CNNM2: variants seen among roughly 807,000 people sequenced by gnomAD.
CNNM2 encodes the protein cyclin and CBS domain divalent metal cation transport mediator 2.
A neutral mutation model predicts 66.9 loss-of-function variants in CNNM2; 12 were observed. The ratio of observed to expected loss-of-function variants is 0.18; its 90% CI spans 0.11 to 0.29. The LOEUF (loss-of-function observed/expected upper bound fraction) is 0.29, where lower values mean the gene tolerates loss of function less well. CNNM2 is among the 10% of genes least tolerant of loss of function. CNNM2 has a pLI of 1.00. For missense variants in CNNM2, 705 were observed against 1,167.7 expected (o/e 0.60, Z 5.77); for synonymous variants, 557 against 501.8 (o/e 1.11, Z -1.47).
At chr10:102,930,782 T>C (rs1433996428) in intron 1 of CNNM2, among the ~76,000 whole-genome samples, 1 of 152,244 alleles carries the variant, frequency 6.6e-6, no homozygotes, top group Non-Finnish European at 1.5e-5. Context: ...ACATTTCATA[T>C]AACATGTAAA....
At chr10:102,977,049 T>G (rs899837052) in intron 1 of CNNM2, among the ~76,000 whole-genome samples, 1 of 152,106 alleles carries the variant, frequency 6.6e-6, no homozygotes, top group African/African-American at 2.4e-5. Context: ...GCTCACAGTA[T>G]TATTCTTCCC....
At chr10:102,974,709 AT>A (rs1029298802) in intron 1 of CNNM2, among the ~76,000 whole-genome samples, 1 of 151,736 alleles carries the variant, frequency 6.6e-6, no homozygotes, top group Non-Finnish European at 1.5e-5. Context: ...AACTTTTAAA[AT>A]TTTTTTCATA....
Position 103,049,917 on chromosome 10 carries a change from T to A in CNNM2, c.1765+67T>A, listed in dbSNP as rs1006360271. On this transcript the variant is annotated intron_variant, in intron 2 of 7. Coordinates refer to ENST00000369878, the MANE Select transcript of CNNM2 (RefSeq NM_017649.5). ...TTTTTTGTTGTGCTGTTTGTGAGTC[T>A]TCTGACGTTTCTCCAGTTGCTGCCT... 8.0e-6 allele frequency: 12 copies of A among 1,501,602 alleles called. No individual in the cohort carries two copies. In the East Asian group the frequency reaches 2.7e-4, roughly 34 times the overall value. 93.0% of individuals were successfully genotyped at this position (1,501,602 alleles called of 1,614,324 possible).
chr10:102,950,779 A>C (rs922039151), intron 1 of CNNM2, among the ~76,000 whole-genome samples: 1 of 152,140 alleles, frequency 6.6e-6, no homozygotes, highest in African/African-American at 2.4e-5. Context: ...ATAATTTGGG[A>C]AAACTCACTG....
chr10:103,046,051 A>C (rs2134324084), intron 1 of CNNM2, among the ~76,000 whole-genome samples: 1 of 152,362 alleles, frequency 6.6e-6, no homozygotes, highest in East Asian at 1.9e-4. Flanking sequence ...AAAAACATTA[A>C]TAAAATAACG....
intron 4 of CNNM2, among the ~76,000 whole-genome samples, chr10:103,058,461 T>G (rs2065330730): frequency 6.6e-6 from 1 of 152,240 alleles, no homozygotes; most frequent in Non-Finnish European, 1.5e-5. Flanking sequence ...TTTTCAGTTG[T>G]CTACTTTTAT....
At chr10:103,007,082 T>G (rs1304218251) in intron 1 of CNNM2, among the ~76,000 whole-genome samples, 2 of 152,186 alleles carry the variant, frequency 1.3e-5, no homozygotes, top group Admixed American at 6.5e-5. Flanking sequence ...TAGAGGAATT[T>G]TACAGCTGGG....
intron 1 of CNNM2, among the ~76,000 whole-genome samples, chr10:102,931,309 A>G (rs536193248): frequency 6.6e-6 from 1 of 151,100 alleles, no homozygotes; most frequent in South Asian, 2.1e-4. Flanking sequence ...GTTAGGCCAG[A>G]TGTTAATCTT....
At position 103,077,222 on chromosome 10, in the gene CNNM2, C is replaced by T. The variant is rs780633762; in HGVS notation, c.*42C>T. On this transcript the variant is annotated 3_prime_UTR_variant, in exon 8 of 8. Transcript: ENST00000369878. The stretch of plus-strand genomic sequence containing the variant: ...CCGCCCAGGCCCGCACCCGCCCAGT[C>T]CCGAGGGCCCGGCCCTGTCTGCCCA... 1.9e-6 allele frequency: 3 copies of T among 1,567,710 alleles called. No homozygotes were observed. Among genetic ancestry groups the T allele is most frequent in the Non-Finnish European group, 2.6e-6 (3 of 1,146,502 alleles).
chr10:103,082,426 C>T lies in CNNM2; in HGVS notation c.*5246C>T, dbSNP rs978048374. 2 of 152,166 alleles carry T rather than the reference C, an allele frequency of 1.3e-5. No individual in the cohort carries two copies. Among genetic ancestry groups the T allele is most frequent in the Non-Finnish European group, 2.9e-5 (2 of 68,028 alleles). 9.4% of individuals were successfully genotyped at this position (152,166 alleles called of 1,614,324 possible). A position where few individuals can be genotyped will look rare whatever the true frequency, so the allele number is the denominator to read the frequency against. On this transcript the variant is annotated 3_prime_UTR_variant, in exon 8 of 8. Coordinates refer to ENST00000369878, the MANE Select transcript of CNNM2 (RefSeq NM_017649.5). Reference sequence around the variant, plus strand: ...TTAGGATTCTCATTCCCCAGAGAGCCCCAGCCTCGCTTCTGATCATTACTC... The same window carrying T: ...TTAGGATTCTCATTCCCCAGAGAGCTCCAGCCTCGCTTCTGATCATTACTC...
chr10:102,959,267 A>G (rs1847160498), intron 1 of CNNM2, among the ~76,000 whole-genome samples: 1 of 152,162 alleles, frequency 6.6e-6, no homozygotes, highest in Non-Finnish European at 1.5e-5. Flanking sequence ...TACCCATATA[A>G]CTACACGTGA....
intron 2 of CNNM2, among the ~76,000 whole-genome samples, chr10:103,053,022 C>G (rs2134335912): frequency 6.6e-6 from 1 of 152,330 alleles, no homozygotes; most frequent in South Asian, 2.1e-4. Context: ...GTGACTCAGT[C>G]CTTGGGAAGG....
At chr10:102,982,226 A>G (rs1331610745) in intron 1 of CNNM2, among the ~76,000 whole-genome samples, 1 of 152,046 alleles carries the variant, frequency 6.6e-6, no homozygotes, top group Non-Finnish European at 1.5e-5. Flanking sequence ...CACTATTAGC[A>G]CTTGGTTATT....
intron 1 of CNNM2, among the ~76,000 whole-genome samples, chr10:102,978,955 G>A (rs939517499): frequency 2.6e-5 from 4 of 152,150 alleles, no homozygotes; most frequent in African/African-American, 9.7e-5. Context: ...ATTGTAAATG[G>A]TTTCTTCTCA....
intron 1 of CNNM2, among the ~76,000 whole-genome samples, chr10:102,948,823 T>C (rs1251248378): frequency 6.6e-6 from 1 of 152,014 alleles, no homozygotes; most frequent in Non-Finnish European, 1.5e-5. Context: ...GGGGAGAGGA[T>C]GATTGATTTG....
intron 1 of CNNM2, among the ~76,000 whole-genome samples, chr10:102,989,126 G>A (rs1270021727): frequency 1.3e-5 from 2 of 152,148 alleles, no homozygotes; most frequent in African/African-American, 4.8e-5. Flanking sequence ...GTGCAAACAG[G>A]AACAGCTCAA....
intron 1 of CNNM2, among the ~76,000 whole-genome samples, chr10:102,938,308 G>A (rs1328692131): frequency 2.6e-5 from 4 of 151,676 alleles, no homozygotes; most frequent in African/African-American, 9.7e-5. Flanking sequence ...GCTGGGCATG[G>A]TGGTGGGCAC....
At chr10:103,007,320 G>T (rs1337863972) in intron 1 of CNNM2, among the ~76,000 whole-genome samples, 1 of 152,136 alleles carries the variant, frequency 6.6e-6, no homozygotes, top group Non-Finnish European at 1.5e-5. Flanking sequence ...ATGTTCAGTG[G>T]TACACATGTT....
chr10:102,959,335 A>G (rs1847162031), intron 1 of CNNM2, among the ~76,000 whole-genome samples: 1 of 152,182 alleles, frequency 6.6e-6, no homozygotes, highest in Non-Finnish European at 1.5e-5. Context: ...TAGAAGAGTA[A>G]ATGGTGTTGT....
Sources: allele counts gnomAD v4.1 joint callset (sites outside exome capture counted in the v4.1 genomes callset), GRCh38; gene constraint gnomAD v4.1.1; transcripts MANE v1.5; gene names NCBI Gene and HGNC (gene_info 2026-07-23, HGNC 2026-07-21).